Variants in FEM1B observed in about 807,000 individuals in gnomAD.
FEM1B encodes the protein protein fem-1 homolog B.
A neutral mutation model predicts 38.6 loss-of-function variants in FEM1B; 10 were observed. The ratio of observed to expected loss-of-function variants is 0.26; its 90% CI spans 0.16 to 0.44. FEM1B has a LOEUF of 0.44. FEM1B is among the 20% of genes least tolerant of loss of function. The probability of loss-of-function intolerance (pLI) is 1.00; values close to 1 mark genes in which losing one functional copy is unlikely to be tolerated. For synonymous variants in FEM1B, 288 were observed against 288.0 expected, an observed-to-expected ratio of 1.00 and a Z score of 0.00; for missense variants, 471 against 786.7, an observed-to-expected ratio of 0.60 and a Z score of 4.80.
intron 1 of FEM1B, among the ~76,000 whole-genome samples, chr15:68,279,722 G>A (rs769342748): frequency 6.6e-6 from 1 of 152,208 alleles, no homozygotes; most frequent in African/African-American, 2.4e-5. Flanking sequence ...GTTCTGTTTC[G>A]GTTGATTCTT....
Position 68,278,960 on chromosome 15 carries a change from G to C in FEM1B, c.248+295G>C, listed in dbSNP as rs146906047. On this transcript the variant is annotated intron_variant, in intron 1 of 1. Transcript: ENST00000306917. This position sits in a 1 kb window ranked among gnomAD's most constrained non-coding sequence, Gnocchi z 5.7. ...TCTCTACTAGATAGTCTGTGAACAAGCCATTTGGAGGAGGTGGCTGCCTTT... is the reference window on the plus strand; with the variant it reads ...TCTCTACTAGATAGTCTGTGAACAACCCATTTGGAGGAGGTGGCTGCCTTT... Among the ~76,000 whole-genome samples the C allele has an allele frequency of 6.6e-6, 1 of 152,138 alleles. No individual in the cohort carries two copies. The highest frequency in any genetic ancestry group is 1.5e-5 in the Non-Finnish European group (1 of 68,032).
chr15:68,278,145 G>A lies in FEM1B; in HGVS notation c.-273G>A, dbSNP rs1445763691. The A allele has an allele frequency of 1.6e-5, 6 of 365,514 alleles. No homozygotes were observed. Among genetic ancestry groups the A allele is most frequent in the Non-Finnish European group, 2.5e-5 (5 of 201,938 alleles). 22.6% of individuals were successfully genotyped at this position (365,514 alleles called of 1,614,324 possible). On this transcript the variant is annotated 5_prime_UTR_variant, in exon 1 of 2. Coordinates refer to ENST00000306917, the MANE Select transcript of FEM1B (RefSeq NM_015322.5). This position sits in a 1 kb window ranked among gnomAD's most constrained non-coding sequence, Gnocchi z 5.7. ...CGGCGTCCGCCATGGAGATCCCCTC[G>A]GTCCAGGGCCGGCGCCTGGGACCTG... is the stretch of plus-strand genomic sequence containing the variant.
At chr15:68,287,357 C>A (rs1160404588) in intron 1 of FEM1B, among the ~76,000 whole-genome samples, 2 of 152,214 alleles carry the variant, frequency 1.3e-5, no homozygotes, top group Middle Eastern at 3.4e-3. Flanking sequence ...CCCTAAATAT[C>A]CATGTGGCTG....
chr15:68,279,278 T>C (rs748722330), intron 1 of FEM1B, among the ~76,000 whole-genome samples: 1 of 152,164 alleles, frequency 6.6e-6, no homozygotes, highest in Admixed American at 6.5e-5. Context: ...TAAGATGGCA[T>C]TGGACCTGAT....
Position 68,289,897 on chromosome 15 carries a change from C to T in FEM1B, c.539C>T (p.Pro180Leu). 6.2e-7 allele frequency: 1 copy of T among 1,613,848 alleles called. No homozygotes were observed. Among genetic ancestry groups the T allele is most frequent in the Non-Finnish European group, 8.5e-7 (1 of 1,179,884 alleles). Residue 180 changes from proline (P) to leucine (L), a missense_variant, in exon 2 of 2, where the codon CCC becomes CTC. Pro to Leu is a moderately conservative substitution (Grantham distance 98, BLOSUM62 -3). Around this residue, in one of 3 missense-constraint regions of FEM1B, gnomAD observed 380 missense variants for 599.6 expected, o/e 0.63. Transcript: ENST00000306917. The surrounding 1 kb of genome is among the most constrained non-coding windows in gnomAD (Gnocchi z 6.9). ...VRYLLEQRAD[P>L]NAKAHCGATA... ...TACCTTTTAGAACAACGTGCTGATCCCAATGCCAAAGCACATTGTGGAGCC... is the reference window on the plus strand; with the variant it reads ...TACCTTTTAGAACAACGTGCTGATCTCAATGCCAAAGCACATTGTGGAGCC...
intron 1 of FEM1B, among the ~76,000 whole-genome samples, chr15:68,283,963 G>A (rs1014716887): frequency 2.0e-5 from 3 of 149,378 alleles, no homozygotes; most frequent in African/African-American, 4.9e-5. Context: ...TTGGCTCACC[G>A]CAAACTCTGC....
Position 68,281,622 on chromosome 15 carries a change from C to A in FEM1B, c.248+2957C>A, listed in dbSNP as rs558973244. 1.3e-4 allele frequency among the ~76,000 whole-genome samples: 19 copies of A among 150,136 alleles called. No homozygotes were observed. In the East Asian group the frequency reaches 3.7e-3, roughly 29 times the overall value. The stretch of plus-strand genomic sequence containing the variant: ...AGCCATTGATATTTGAGTTCTTGTT[C>A]ACTTTTTTTTTTTGAGACGGAGTCT... On this transcript the variant is annotated intron_variant, in intron 1 of 1. Transcript: ENST00000306917. The surrounding 1 kb of genome is among the most constrained non-coding windows in gnomAD (Gnocchi z 5.1).
At position 68,278,816 on chromosome 15, in the gene FEM1B, C is replaced by A; in HGVS notation, c.248+151C>A. 1.2e-6 allele frequency: 1 copy of A among 864,192 alleles called. No homozygotes were observed. The highest frequency in any genetic ancestry group is 1.8e-6 in the Non-Finnish European group (1 of 558,316). The allele number at this position is 864,192 out of a possible 1,614,324, so 53.5% of individuals were successfully genotyped here. ...CCTCCTGCCCCACTAATGCCCACTT[C>A]ATCTTCCAGGGCTAATAATCCATCC... On this transcript the variant is annotated intron_variant, in intron 1 of 1. Transcript: ENST00000306917. This position sits in a 1 kb window ranked among gnomAD's most constrained non-coding sequence, Gnocchi z 5.7.
rs771335626 is a variant in FEM1B at position 68,289,832 on chromosome 15, A to G, written c.474A>G (p.Leu158=). 5.0e-6 allele frequency: 8 copies of G among 1,613,946 alleles called. No individual in the cohort carries two copies. In the East Asian group the frequency reaches 1.8e-4, roughly 36 times the overall value. ...SIANKYDNTC[L]MIAAYKGHTD... ...CCAACAAATATGACAACACCTGCCT[A>G]ATGATTGCGGCATATAAGGGACACA... The change falls in exon 2 of 2, where the codon CTA becomes CTG. Residue 158 remains leucine (L), a synonymous_variant. Coordinates refer to ENST00000306917, the MANE Select transcript of FEM1B (RefSeq NM_015322.5). This position sits in a 1 kb window ranked among gnomAD's most constrained non-coding sequence, Gnocchi z 6.9.
rs374112768 is a variant in FEM1B, at chr15:68,293,919, G to C, written c.*2677G>C. Reference sequence around the variant, plus strand: ...CTTTGGTCATTTGATGTTTACTATTGGTATACTTATGCTTTGAATTGTAAA... The same window carrying C: ...CTTTGGTCATTTGATGTTTACTATTCGTATACTTATGCTTTGAATTGTAAA... On this transcript the variant is annotated 3_prime_UTR_variant, in exon 2 of 2. Coordinates refer to ENST00000306917, the MANE Select transcript of FEM1B (RefSeq NM_015322.5). The surrounding 1 kb of genome is among the most constrained non-coding windows in gnomAD (Gnocchi z 5.8). 6.6e-6 allele frequency: 1 copy of C among 151,892 alleles called. No individual in the cohort carries two copies. Among genetic ancestry groups the C allele is most frequent in the Non-Finnish European group, 1.5e-5 (1 of 67,946 alleles). 9.4% of individuals were successfully genotyped at this position (151,892 alleles called of 1,614,324 possible). A position where few individuals can be genotyped will look rare whatever the true frequency, so the allele number is the denominator to read the frequency against.
rs753925908 is a variant in FEM1B, at chr15:68,290,961, G to C, written c.1603G>C (p.Ala535Pro). Reference protein sequence around the residue: ...VNAVDNEGNSALHIIVQYNRP... With the variant: ...VNAVDNEGNSPLHIIVQYNRP... ...TGCCGTGGACAATGAGGGAAACAGT[G>C]CCCTTCATATTATCGTTCAGTACAA... The change falls in exon 2 of 2, where the codon GCC becomes CCC. Residue 535 changes from alanine (A) to proline (P), a missense_variant. Around this residue, in one of 3 missense-constraint regions of FEM1B, gnomAD observed 380 missense variants for 599.6 expected, o/e 0.63. Transcript: ENST00000306917. This position sits in a 1 kb window ranked among gnomAD's most constrained non-coding sequence, Gnocchi z 9.7. The C allele has an allele frequency of 1.3e-4, 214 of 1,614,046 alleles. No homozygotes were observed. The highest frequency in any genetic ancestry group is 1.8e-4 in the Non-Finnish European group (210 of 1,180,034).
chr15:68,283,968 C>G (rs1257957307), intron 1 of FEM1B, among the ~76,000 whole-genome samples: 1 of 150,980 alleles, frequency 6.6e-6, no homozygotes, highest in Non-Finnish European at 1.5e-5. Context: ...TCACCGCAAA[C>G]TCTGCCTCCC....
chr15:68,290,588 T>C lies in FEM1B; in HGVS notation c.1230T>C (p.Val410=). 6.2e-7 allele frequency: 1 copy of C among 1,614,214 alleles called. No individual in the cohort carries two copies. Among genetic ancestry groups the C allele is most frequent in the Non-Finnish European group, 8.5e-7 (1 of 1,180,036 alleles). Residue 410 remains valine, a synonymous_variant, in exon 2 of 2, where the codon GTT becomes GTC. Transcript: ENST00000306917. The surrounding 1 kb of genome is among the most constrained non-coding windows in gnomAD (Gnocchi z 9.7). ...ETVKAPDIEC[V]LRCSVLEIEQ... ...TGAAGGCCCCAGACATAGAATGTGTTTTGAGATGCAGTGTTTTGGAAATAG... is the reference window on the plus strand; with the variant it reads ...TGAAGGCCCCAGACATAGAATGTGTCTTGAGATGCAGTGTTTTGGAAATAG...
chr15:68,278,220 T>A lies in FEM1B; in HGVS notation c.-198T>A. 1 of 693,672 alleles carries A rather than the reference T, an allele frequency of 1.4e-6. No individual in the cohort carries two copies. The highest frequency in any genetic ancestry group is 2.3e-6 in the Non-Finnish European group (1 of 439,628). The allele number at this position is 693,672 out of a possible 1,614,324, so 43.0% of individuals were successfully genotyped here. A position where few individuals can be genotyped will look rare whatever the true frequency, so the allele number is the denominator to read the frequency against. ...CCCTGCGCGGGCTGGGTCGCGGACG[T>A]GCCCTTCGCGGCACTCGGCCTCCTC... On this transcript the variant is annotated 5_prime_UTR_variant, in exon 1 of 2. Transcript: ENST00000306917. The surrounding 1 kb of genome is among the most constrained non-coding windows in gnomAD (Gnocchi z 5.7).
intron 1 of FEM1B, among the ~76,000 whole-genome samples, chr15:68,279,613 G>C (rs1892705072): frequency 6.6e-6 from 1 of 151,978 alleles, no homozygotes; most frequent in South Asian, 2.1e-4. Context: ...AGTAGGGTCT[G>C]AGCATAAAAA....
At chr15:68,283,830 G>C (rs188804247) in intron 1 of FEM1B, among the ~76,000 whole-genome samples, 2 of 150,224 alleles carry the variant, frequency 1.3e-5, no homozygotes, top group Non-Finnish European at 3.0e-5. Flanking sequence ...GTTTCCTTAC[G>C]TTTGATGCAT....
Position 68,288,643 on chromosome 15 carries a change from A to G in FEM1B, c.249-964A>G, listed in dbSNP as rs542327301. Among the ~76,000 whole-genome samples, 1 of 152,344 alleles carries G rather than the reference A, an allele frequency of 6.6e-6. No homozygotes were observed. The highest frequency in any genetic ancestry group is 1.5e-5 in the Non-Finnish European group (1 of 68,026). On this transcript the variant is annotated intron_variant, in intron 1 of 1. Transcript: ENST00000306917. The surrounding 1 kb of genome is among the most constrained non-coding windows in gnomAD (Gnocchi z 4.6). Reference sequence around the variant, plus strand: ...GATGTTTAGTAAGTAAGTGATAAGTATGAAGCCACAAGTCCAGTCATGTCA... The same window carrying G: ...GATGTTTAGTAAGTAAGTGATAAGTGTGAAGCCACAAGTCCAGTCATGTCA...
rs1338894642 is a variant in FEM1B at position 68,294,984 on chromosome 15, TTTC to T, written c.*3745_*3747del. ...CTATGTGTTTATCACATTGCAGGGC[TTTC>T]TTATGTATTTCTGGCAGACTTGCCC... On this transcript the variant is annotated 3_prime_UTR_variant, in exon 2 of 2. Transcript: ENST00000306917. This position sits in a 1 kb window ranked among gnomAD's most constrained non-coding sequence, Gnocchi z 4.4. 2 of 152,236 alleles carry T rather than the reference TTTC, an allele frequency of 1.3e-5. No homozygotes were observed. Among genetic ancestry groups the T allele is most frequent in the Non-Finnish European group, 2.9e-5 (2 of 68,044 alleles). The allele number at this position is 152,236 out of a possible 1,614,324, so 9.4% of individuals were successfully genotyped here.
rs1892847064 is a variant in FEM1B at position 68,291,458 on chromosome 15, G to A, written c.*216G>A. On this transcript the variant is annotated 3_prime_UTR_variant, in exon 2 of 2. Transcript: ENST00000306917. This position sits in a 1 kb window ranked among gnomAD's most constrained non-coding sequence, Gnocchi z 6.9. ...CCACATTGTTTTGGTGTAACTATAA[G>A]GTATTTGCATATTGGTTACCTATTT... The A allele has an allele frequency of 6.3e-6, 3 of 477,688 alleles. No individual in the cohort carries two copies. In the South Asian group the frequency reaches 1.4e-4, roughly 22 times the overall value. The allele number at this position is 477,688 out of a possible 1,614,324, so 29.6% of individuals were successfully genotyped here. A position where few individuals can be genotyped will look rare whatever the true frequency, so the allele number is the denominator to read the frequency against.
Sources: gnomAD v4.1 joint callset for allele counts (sites outside exome capture counted in the v4.1 genomes callset) on GRCh38, gnomAD v4.1.1 for gene constraint, gnomAD v4.1.1 regional missense constraint, Gnocchi (gnomAD v3.1) non-coding constraint, MANE v1.5 for transcripts, NCBI Gene and HGNC (gene_info 2026-07-23, HGNC 2026-07-21) for gene names.